CELF2: variants seen among roughly 807,000 people sequenced by gnomAD.
The protein encoded by CELF2 is CUGBP Elav-like family member 2.
Under a neutral mutation model 62.6 loss-of-function variants are expected in CELF2, and 8 were observed. The observed-to-expected ratio is 0.13, with a 90% CI of 0.07 to 0.23. The LOEUF is 0.23. Among genes scored for constraint, CELF2 ranks in the 10% least tolerant of loss-of-function variants. The pLI, the probability that CELF2 is intolerant of heterozygous loss-of-function variation, is 1.00. For synonymous variants in CELF2, 258 were observed against 250.0 expected (o/e 1.03, Z -0.30); for missense variants, 333 against 671.0 (o/e 0.50, Z 5.56).
the CELF2 span, among the ~76,000 whole-genome samples, chr10:10,558,626 G>T: frequency 1.8e-3 from 271 of 152,048 alleles, 2 homozygotes; most frequent in African/African-American, 6.2e-3. Flanking sequence ...GTTCCTCCTT[G>T]TACCTCTGGT....
intron 1 of CELF2, among the ~76,000 whole-genome samples, chr10:10,825,326 C>T (rs1421887032): frequency 1.3e-5 from 2 of 152,228 alleles, no homozygotes; most frequent in Non-Finnish European, 2.9e-5. Flanking sequence ...TCTCCTGCCT[C>T]AGCCTCCCAA....
intron 1 of CELF2, among the ~76,000 whole-genome samples, chr10:11,056,107 C>G (rs935798948): frequency 1.3e-5 from 2 of 152,180 alleles, no homozygotes; most frequent in African/African-American, 4.8e-5. Flanking sequence ...GATAAACCCT[C>G]TGATGGAAAC....
chr10:11,283,837 G>GAGTGGT (rs1380452092), intron 8 of CELF2, among the ~76,000 whole-genome samples: 1 of 76,894 alleles, frequency 1.3e-5, no homozygotes, highest in African/African-American at 4.6e-5. Flanking sequence ...GATGATGGAT[G>GAGTGGT]GAGTGGATGA....
chr10:10,501,510 GT>G, the CELF2 span, among the ~76,000 whole-genome samples: 2 of 152,064 alleles, frequency 1.3e-5, no homozygotes, highest in East Asian at 1.9e-4. Context: ...CTGAATACAT[GT>G]TTTTTATATG....
the CELF2 span, among the ~76,000 whole-genome samples, chr10:10,636,662 T>C: frequency 1.3e-5 from 2 of 152,184 alleles, no homozygotes; most frequent in African/African-American, 4.8e-5. Flanking sequence ...GGATGCCCAA[T>C]AGTCAGTTTC....
chr10:11,066,463 G>A (rs1277200279), intron 1 of CELF2, among the ~76,000 whole-genome samples: 3 of 152,042 alleles, frequency 2.0e-5, no homozygotes, highest in Non-Finnish European at 2.9e-5. Flanking sequence ...TGATTCACCT[G>A]AGGACCTCAG....
At chr10:10,737,665 T>C in the CELF2 span, among the ~76,000 whole-genome samples, 1 of 152,014 alleles carries the variant, frequency 6.6e-6, no homozygotes, top group East Asian at 1.9e-4. Context: ...TCATCTTGTC[T>C]CTTCCTCTTC....
At chr10:11,099,170 A>G (rs558699163) in intron 1 of CELF2, among the ~76,000 whole-genome samples, 3 of 152,324 alleles carry the variant, frequency 2.0e-5, no homozygotes, top group Non-Finnish European at 2.9e-5. Flanking sequence ...TGATTTTATG[A>G]GGAAACGAAT....
chr10:10,544,341 A>G, the CELF2 span, among the ~76,000 whole-genome samples: 2,664 of 152,296 alleles, frequency 0.017, 75 homozygotes, highest in African/African-American at 0.06. Flanking sequence ...GATTGGAGGA[A>G]TATTTTGTCA....
chr10:11,076,392 A>G (rs1405047953), intron 1 of CELF2, among the ~76,000 whole-genome samples: 1 of 152,206 alleles, frequency 6.6e-6, no homozygotes, highest in Non-Finnish European at 1.5e-5. Flanking sequence ...GCAAGGACGT[A>G]GGCTTGATTT....
At chr10:11,254,218 C>G (rs1044131193) in intron 4 of CELF2, among the ~76,000 whole-genome samples, 1 of 152,184 alleles carries the variant, frequency 6.6e-6, no homozygotes, top group African/African-American at 2.4e-5. Context: ...CAAAAAAACT[C>G]AGAAGAAAGC....
chr10:10,823,699 T>A (rs1324522389), intron 1 of CELF2, among the ~76,000 whole-genome samples: 1 of 152,214 alleles, frequency 6.6e-6, no homozygotes, highest in Non-Finnish European at 1.5e-5. Context: ...TAAATTTTTA[T>A]AAGTATGGAT....
chr10:10,557,095 TG>T, the CELF2 span, among the ~76,000 whole-genome samples: 1 of 146,730 alleles, frequency 6.8e-6, no homozygotes, highest in Non-Finnish European at 1.5e-5. Flanking sequence ...GTTTTGGACA[TG>T]AAGTCCTTGC....
At chr10:10,651,032 A>C in the CELF2 span, among the ~76,000 whole-genome samples, 1 of 151,998 alleles carries the variant, frequency 6.6e-6, no homozygotes, top group Non-Finnish European at 1.5e-5. Context: ...CGCGAGCCGA[A>C]GCAGGGCGAG....
chr10:11,114,076 TTTGA>T (rs1283533365), intron 1 of CELF2, among the ~76,000 whole-genome samples: 1 of 152,194 alleles, frequency 6.6e-6, no homozygotes, highest in Non-Finnish European at 1.5e-5. Flanking sequence ...GCTTCTGTGC[TTTGA>T]TTATTATGTT....
the CELF2 span, among the ~76,000 whole-genome samples, chr10:10,768,776 G>T: frequency 1.1e-4 from 17 of 152,040 alleles, no homozygotes; most frequent in Admixed American, 5.2e-4. Context: ...GTTTCACCAT[G>T]TTGGTAAGGC....
At chr10:10,713,300 C>T in the CELF2 span, among the ~76,000 whole-genome samples, 1 of 152,304 alleles carries the variant, frequency 6.6e-6, no homozygotes, top group South Asian at 2.1e-4. Flanking sequence ...ATTGCTTGTT[C>T]TCATCACTGG....
chr10:11,065,870 G>T (rs754610413), intron 1 of CELF2, among the ~76,000 whole-genome samples: 1 of 152,084 alleles, frequency 6.6e-6, no homozygotes, highest in Admixed American at 6.5e-5. Flanking sequence ...TTTTAAATAG[G>T]GTATCAGGGT....
At chr10:10,980,192 C>T (rs1592682049) in intron 2 of CELF2, among the ~76,000 whole-genome samples, 2 of 152,350 alleles carry the variant, frequency 1.3e-5, no homozygotes, top group Middle Eastern at 6.8e-3. Context: ...ATCATTCCGG[C>T]AGCCAGCCTT....
Sources: gnomAD v4.1 joint callset for allele counts (sites outside exome capture counted in the v4.1 genomes callset) on GRCh38, gnomAD v4.1.1 for gene constraint, MANE v1.5 for transcripts, NCBI Gene and HGNC (gene_info 2026-07-23, HGNC 2026-07-21) for gene names.